Variants in APBA2 observed in about 807,000 individuals in gnomAD.
The protein encoded by APBA2 is amyloid-beta A4 precursor protein-binding family A member 2.
A neutral mutation model predicts 75.0 loss-of-function variants in APBA2; 30 were observed. The ratio of observed to expected loss-of-function variants is 0.40; its 90% confidence interval spans 0.30 to 0.54. The LOEUF (loss-of-function observed/expected upper bound fraction) is 0.54, where lower values mean the gene tolerates loss of function less well. Ranked by LOEUF, APBA2 falls within the 20% of genes least tolerant of loss-of-function variation. The probability of loss-of-function intolerance (pLI) is 0.49; values close to 1 mark genes in which losing one functional copy is unlikely to be tolerated. For synonymous variants in APBA2, 444 were observed against 409.6 expected, an observed-to-expected ratio of 1.08 and a Z score of -1.01; for missense variants, 801 against 1,016.1, an observed-to-expected ratio of 0.79 and a Z score of 2.88.
intron 3 of APBA2, among the ~76,000 whole-genome samples, chr15:29,023,738 G>C (rs2040075486): frequency 6.7e-6 from 1 of 149,478 alleles, no homozygotes; most frequent in Non-Finnish European, 1.5e-5. Context: ...TTATAGGCAT[G>C]AGCCACCACA....
At position 29,054,096 on chromosome 15, in the gene APBA2, A is replaced by G; in HGVS notation, c.212A>G (p.Asp71Gly). 6.2e-7 allele frequency: 1 copy of G among 1,613,990 alleles called. No individual in the cohort carries two copies. Reference sequence around the variant, plus strand: ...TGCCACAACCACAGCCCCGATGGGGACTCCAGCTCTGACTACGTGAACAAC... The same window carrying G: ...TGCCACAACCACAGCCCCGATGGGGGCTCCAGCTCTGACTACGTGAACAAC... ...QECHNHSPDG[D>G]SSSDYVNNTS... The change falls in exon 4 of 15, where the codon GAC becomes GGC. Residue 71 changes from aspartate (D) to glycine (G), a missense_variant. Asp to Gly is a moderately conservative substitution (Grantham distance 94). This residue lies in a region of APBA2 where 434 missense variants were observed against 471.6 expected (regional missense o/e 0.92). Coordinates refer to ENST00000683413, the MANE Select transcript of APBA2 (RefSeq NM_001353788.2). The surrounding 1 kb of genome is among the most constrained non-coding windows in gnomAD (Gnocchi z 6.1).
At chr15:28,952,174 A>T (rs1387611878) in intron 2 of APBA2, among the ~76,000 whole-genome samples, 1 of 152,024 alleles carries the variant, frequency 6.6e-6, no homozygotes, top group Non-Finnish European at 1.5e-5. Context: ...AGAAAGGAAA[A>T]CTTGGACAAC....
intron 1 of APBA2, among the ~76,000 whole-genome samples, chr15:28,893,015 A>G (rs149357207): frequency 6.6e-6 from 1 of 152,226 alleles, no homozygotes; most frequent in South Asian, 2.1e-4. Flanking sequence ...TAAGTGAGCC[A>G]TGTGCTCTAG....
intron 2 of APBA2, among the ~76,000 whole-genome samples, chr15:28,984,548 C>T (rs185390578): frequency 1.0e-3 from 157 of 152,114 alleles, no homozygotes; most frequent in African/African-American, 3.4e-3. Flanking sequence ...TTCCTGGTCC[C>T]GTTTCCAACT....
At chr15:29,052,231 G>A (rs1302827979) in intron 3 of APBA2, among the ~76,000 whole-genome samples, 5 of 151,892 alleles carry the variant, frequency 3.3e-5, no homozygotes, top group African/African-American at 9.7e-5. Flanking sequence ...CGAGGTGGGC[G>A]GATCACGAGG....
intron 14 of APBA2, among the ~76,000 whole-genome samples, chr15:29,114,430 C>T (rs1484733237): frequency 6.6e-6 from 1 of 152,182 alleles, no homozygotes; most frequent in African/African-American, 2.4e-5. Context: ...TTTCTGGCAT[C>T]GCTTCCACGG....
chr15:29,063,056 A>C (rs1342041431), intron 4 of APBA2, among the ~76,000 whole-genome samples: 1 of 24,320 alleles, frequency 4.1e-5, no homozygotes, highest in Non-Finnish European at 8.1e-5. Flanking sequence ...ATGGGTGGGG[A>C]GGGGAGTTGA....
At chr15:28,994,275 C>T (rs373287329) in intron 2 of APBA2, among the ~76,000 whole-genome samples, 12 of 152,140 alleles carry the variant, frequency 7.9e-5, no homozygotes, top group Non-Finnish European at 1.2e-4. Flanking sequence ...GATTTTCTGA[C>T]GTTCACACAG....
At chr15:29,045,859 C>T (rs892893601) in intron 3 of APBA2, among the ~76,000 whole-genome samples, 3 of 152,164 alleles carry the variant, frequency 2.0e-5, no homozygotes, top group Admixed American at 2.0e-4. Flanking sequence ...AAACAGTCAC[C>T]CTCTGAGTAC....
chr15:29,107,768 G>A (rs975295841), intron 12 of APBA2, among the ~76,000 whole-genome samples: 4 of 152,176 alleles, frequency 2.6e-5, no homozygotes, highest in Admixed American at 6.5e-5. Flanking sequence ...TGGCGCACCC[G>A]CTGACAATTG....
chr15:29,016,034 G>A (rs541354146), intron 3 of APBA2, among the ~76,000 whole-genome samples: 3 of 152,300 alleles, frequency 2.0e-5, no homozygotes, highest in South Asian at 2.1e-4. Context: ...CAAGGCGGGC[G>A]GATCACAAGG....
At position 29,113,966 on chromosome 15, in the gene APBA2, G is replaced by C; in HGVS notation, c.2128G>C (p.Ala710Pro). The change falls in exon 14 of 15, where the codon GCC becomes CCC. Residue 710 changes from alanine (A) to proline (P), a missense_variant. Transcript: ENST00000683413. Reference protein sequence around the residue: ...IIEINGQSVVATAHEKIVQAL... With the variant: ...IIEINGQSVVPTAHEKIVQAL... ...CGAGATCAACGGGCAGAGCGTGGTG[G>C]CCACAGCCCACGAGAAGATAGTCCA... The C allele has an allele frequency of 1.2e-6, 2 of 1,613,764 alleles. No individual in the cohort carries two copies. Among genetic ancestry groups the C allele is most frequent in the Non-Finnish European group, 1.7e-6 (2 of 1,180,040 alleles).
chr15:29,034,848 G>C (rs1190952627), intron 3 of APBA2, among the ~76,000 whole-genome samples: 1 of 152,232 alleles, frequency 6.6e-6, no homozygotes, highest in African/African-American at 2.4e-5. Context: ...GTTCCCAGGT[G>C]ACACTGATGC....
intron 2 of APBA2, among the ~76,000 whole-genome samples, chr15:28,965,128 T>C (rs1038848377): frequency 1.3e-5 from 2 of 152,160 alleles, no homozygotes; most frequent in African/African-American, 4.8e-5. Flanking sequence ...TGATTCATTT[T>C]GCGTTAGTTT....
intron 3 of APBA2, among the ~76,000 whole-genome samples, chr15:29,011,263 TCCTTGG>T (rs1437782840): frequency 6.6e-6 from 1 of 152,232 alleles, no homozygotes; most frequent in Non-Finnish European, 1.5e-5. Flanking sequence ...TTGCTTTTAT[TCCTTGG>T]CCATGATGAA....
chr15:28,935,259 C>T (rs889329259), intron 2 of APBA2, among the ~76,000 whole-genome samples: 2 of 152,218 alleles, frequency 1.3e-5, no homozygotes, highest in Non-Finnish European at 2.9e-5. Flanking sequence ...CGATGCACCT[C>T]GTGGCCCAGT....
intron 1 of APBA2, among the ~76,000 whole-genome samples, chr15:28,897,972 A>G (rs2032609388): frequency 1.3e-5 from 2 of 152,174 alleles, no homozygotes; most frequent in Non-Finnish European, 2.9e-5. Context: ...CCTAAATGCC[A>G]TCCTCAAGGA....
Position 29,054,716 on chromosome 15 carries a change from G to A in APBA2, c.832G>A (p.Glu278Lys), listed in dbSNP as rs1489379002. ...IKASCSPSRH[E>K]ARPKSLNLLP... ...GGCCAGCTGCAGCCCCAGCAGGCAC[G>A]AGGCGAGGCCCAAGTCGCTGAACCT... Residue 278 changes from glutamate to lysine, a missense_variant, in exon 4 of 15, where the codon GAG becomes AAG. Coordinates refer to ENST00000683413, the MANE Select transcript of APBA2 (RefSeq NM_001353788.2). This position sits in a 1 kb window ranked among gnomAD's most constrained non-coding sequence, Gnocchi z 6.1. 44 of 1,613,374 alleles carry A rather than the reference G, an allele frequency of 2.7e-5. No homozygotes were observed. The highest frequency in any genetic ancestry group is 1.5e-4 in the Admixed American group (9 of 59,990).
At position 29,110,000 on chromosome 15, in the gene APBA2, G is replaced by A. The variant is rs985524688; in HGVS notation, c.2037+1611G>A. Among the ~76,000 whole-genome samples, 10 of 152,322 alleles carry A rather than the reference G, an allele frequency of 6.6e-5. No homozygotes were observed. The South Asian group carries it at 1.9e-3, about 28-fold the overall frequency. On this transcript the variant is annotated intron_variant, in intron 13 of 14. Transcript: ENST00000683413. ...GCCAGCTGGTGGTCTGGCCTGGTCC[G>A]GCTCTGCCTGACTGCTCTGCACACA...
Sources: allele counts gnomAD v4.1 joint callset (sites outside exome capture counted in the v4.1 genomes callset), GRCh38; gene constraint gnomAD v4.1.1; regional missense constraint gnomAD v4.1.1; non-coding constraint Gnocchi (gnomAD v3.1); transcripts MANE v1.5; gene names NCBI Gene and HGNC (gene_info 2026-07-23, HGNC 2026-07-21).